The following DNAJC3 variants were observed in gnomAD, a reference collection of about 807,000 sequenced individuals.
DNAJC3 encodes the protein dnaJ homolog subfamily C member 3.
DNAJC3 carries 38 observed loss-of-function variants against 68.6 expected under a neutral mutation model. The ratio of observed to expected loss-of-function variants is 0.55; its 90% CI spans 0.43 to 0.73. DNAJC3 has a LOEUF of 0.73. DNAJC3 is among the 30% of genes least tolerant of loss of function. DNAJC3 has a pLI of 0.00. For synonymous variants in DNAJC3, 203 were observed against 204.0 expected, an observed-to-expected ratio of 1.00 and a Z score of 0.04; for missense variants, 526 against 591.9, an observed-to-expected ratio of 0.89 and a Z score of 1.16.
chr13:95,713,676 G>A (rs1167932422), intron 2 of DNAJC3, among the ~76,000 whole-genome samples: 1 of 152,176 alleles, frequency 6.6e-6, no homozygotes, highest in African/African-American at 2.4e-5. Context: ...TTCATGAGTT[G>A]CCTTGTGGAC....
At chr13:95,766,286 G>A (rs1470364889) in intron 9 of DNAJC3, among the ~76,000 whole-genome samples, 1 of 152,112 alleles carries the variant, frequency 6.6e-6, no homozygotes, top group African/African-American at 2.4e-5. Context: ...TCAGGAAACA[G>A]GGGATTCCAC....
chr13:95,707,022 G>A (rs1880774186), intron 1 of DNAJC3, among the ~76,000 whole-genome samples: 1 of 152,194 alleles, frequency 6.6e-6, no homozygotes, highest in African/African-American at 2.4e-5. Context: ...TTTTGTGGAA[G>A]ACAGTTTTTC....
chr13:95,687,888 T>C (rs1040723833), intron 1 of DNAJC3, among the ~76,000 whole-genome samples: 4 of 152,376 alleles, frequency 2.6e-5, no homozygotes, highest in African/African-American at 9.6e-5. Context: ...TTTAATGATA[T>C]TGATTCTTCC....
Position 95,723,190 on chromosome 13 carries a change from A to C in DNAJC3, c.194-52A>C. On this transcript the variant is annotated intron_variant, in intron 2 of 11. Coordinates refer to ENST00000602402, the MANE Select transcript of DNAJC3 (RefSeq NM_006260.5). ...TGTCCAGGTGATTTGTTTTTTTTTAAATTTTTATTTTTGAATAAATGACTA... is the reference window on the plus strand; with the variant it reads ...TGTCCAGGTGATTTGTTTTTTTTTACATTTTTATTTTTGAATAAATGACTA... The C allele has an allele frequency of 4.0e-6, 6 of 1,513,450 alleles. No individual in the cohort carries two copies. The South Asian group carries it at 7.7e-5, about 19-fold the overall frequency. The allele number at this position is 1,513,450 out of a possible 1,614,324, so 93.8% of individuals were successfully genotyped here. A position where few individuals can be genotyped will look rare whatever the true frequency, so the allele number is the denominator to read the frequency against.
At chr13:95,759,625 A>T (rs1594010884) in intron 5 of DNAJC3, among the ~76,000 whole-genome samples, 1 of 152,288 alleles carries the variant, frequency 6.6e-6, no homozygotes, top group East Asian at 1.9e-4. Context: ...CCTAGGTTTT[A>T]TTTTTTTGAC....
chr13:95,784,070 T>C (rs1373142110), intron 9 of DNAJC3, among the ~76,000 whole-genome samples: 1 of 152,218 alleles, frequency 6.6e-6, no homozygotes, highest in Admixed American at 6.5e-5. Context: ...GGCCAATATC[T>C]TTCTCATTTT....
intron 2 of DNAJC3, among the ~76,000 whole-genome samples, chr13:95,721,939 C>T (rs888548929): frequency 3.3e-5 from 5 of 152,136 alleles, no homozygotes; most frequent in African/African-American, 1.2e-4. Flanking sequence ...TTCCAAATGA[C>T]AAGAACTTTA....
At chr13:95,765,666 A>T (rs985399998) in intron 9 of DNAJC3, among the ~76,000 whole-genome samples, 1 of 150,006 alleles carries the variant, frequency 6.7e-6, no homozygotes, top group Admixed American at 6.7e-5. Context: ...CCACCTCCCA[A>T]TTGCAACCAA....
chr13:95,694,944 A>C (rs1193970398), intron 1 of DNAJC3: 1 of 152,744 alleles, frequency 6.5e-6, no homozygotes, highest in African/African-American at 2.4e-5. Context: ...CAACTATAGC[A>C]ACAGCGTTTA....
intron 9 of DNAJC3, 26 bp from the exon 10 acceptor site, chr13:95,785,913 A>G (rs1883587957): frequency 2.6e-6 from 4 of 1,552,942 alleles, no homozygotes; most frequent in South Asian, 1.2e-5. Context: ...TGCCTTAACA[A>G]TATTATCTTA....
At chr13:95,698,659 G>T (rs895768973) in intron 1 of DNAJC3, among the ~76,000 whole-genome samples, 1 of 152,198 alleles carries the variant, frequency 6.6e-6, no homozygotes, top group South Asian at 2.1e-4. Flanking sequence ...TGCCTGTCAT[G>T]CAGTTCTCCT....
intron 1 of DNAJC3, chr13:95,695,853 C>CT (rs2139611545): frequency 6.6e-6 from 1 of 152,324 alleles, no homozygotes; most frequent in Non-Finnish European, 1.5e-5. Context: ...ACACCCAAAG[C>CT]TGAAGTTGTA....
chr13:95,690,819 G>A (rs1385686427), intron 1 of DNAJC3, among the ~76,000 whole-genome samples: 28 of 138,912 alleles, frequency 2.0e-4, no homozygotes, highest in Middle Eastern at 4.2e-3. Context: ...TCCCGGACGG[G>A]GCAGCTGGCC....
intron 1 of DNAJC3, among the ~76,000 whole-genome samples, chr13:95,690,794 A>AC (rs538014581): frequency 0.014 from 1,742 of 128,768 alleles, 103 homozygotes; most frequent in African/African-American, 0.051. Flanking sequence ...CGGGGGGCTG[A>AC]CCCCCCCACC....
At chr13:95,789,550 T>TATCA (rs1346758490) in intron 11 of DNAJC3, among the ~76,000 whole-genome samples, 1 of 152,098 alleles carries the variant, frequency 6.6e-6, no homozygotes, top group Non-Finnish European at 1.5e-5. Flanking sequence ...TTATCCAGTC[T>TATCA]ATCATTGATG....
intron 1 of DNAJC3, among the ~76,000 whole-genome samples, chr13:95,686,293 T>C (rs1320578193): frequency 6.6e-6 from 1 of 152,214 alleles, no homozygotes; most frequent in African/African-American, 2.4e-5. Context: ...TTCTTTGTTT[T>C]CTTCTTGTTG....
chr13:95,773,179 T>C (rs1183485485), intron 9 of DNAJC3, among the ~76,000 whole-genome samples: 3 of 150,130 alleles, frequency 2.0e-5, no homozygotes, highest in African/African-American at 7.4e-5. Flanking sequence ...CATTTTGTTT[T>C]TGCTTTTTTT....
chr13:95,784,063 C>T (rs759379822), intron 9 of DNAJC3, among the ~76,000 whole-genome samples: 29 of 152,182 alleles, frequency 1.9e-4, no homozygotes, highest in Non-Finnish European at 4.3e-4. Flanking sequence ...AGTCTTAGGC[C>T]AATATCTTTC....
At chr13:95,700,170 C>T (rs1432515975) in intron 1 of DNAJC3, among the ~76,000 whole-genome samples, 5 of 152,096 alleles carry the variant, frequency 3.3e-5, no homozygotes, top group African/African-American at 1.2e-4. Flanking sequence ...AGGCCAGTCT[C>T]GAACTCCTGG....
Sources: allele counts gnomAD v4.1 joint callset (sites outside exome capture counted in the v4.1 genomes callset), GRCh38; gene constraint gnomAD v4.1.1; transcripts MANE v1.5; gene names NCBI Gene and HGNC (gene_info 2026-07-23, HGNC 2026-07-21).